The following SPECC1 variants were observed in gnomAD, a reference collection of about 807,000 sequenced individuals.
The protein encoded by SPECC1 is sperm antigen with calponin homology and coiled-coil domains 1.
Under a neutral mutation model 104.1 loss-of-function variants are expected in SPECC1, and 62 were observed. The observed-to-expected ratio is 0.60, with a 90% confidence interval of 0.49 to 0.74. The LOEUF is 0.74. Among genes scored for constraint, SPECC1 ranks in the 30% least tolerant of loss-of-function variants. The probability of loss-of-function intolerance (pLI) is 0.00; values close to 1 mark genes in which losing one functional copy is unlikely to be tolerated. For synonymous variants in SPECC1, 513 were observed against 501.6 expected, an observed-to-expected ratio of 1.02 and a Z score of -0.30; for missense variants, 1,306 against 1,310.5, an observed-to-expected ratio of 1.00 and a Z score of 0.05.
chr17:20,069,186 A>T (rs1253694394), intron 1 of SPECC1, among the ~76,000 whole-genome samples: 1 of 152,230 alleles, frequency 6.6e-6, no homozygotes, highest in Non-Finnish European at 1.5e-5. Context: ...CTCGCTAATA[A>T]GTGAGAACAT....
intron 1 of SPECC1, among the ~76,000 whole-genome samples, chr17:20,033,263 C>T (rs566534718): frequency 1.5e-4 from 23 of 152,084 alleles, no homozygotes; most frequent in African/African-American, 4.6e-4. Context: ...CATGTCCGGC[C>T]TGTATATATA....
At chr17:20,191,080 T>C (rs960198261) in intron 3 of SPECC1, among the ~76,000 whole-genome samples, 5 of 152,334 alleles carry the variant, frequency 3.3e-5, no homozygotes, top group African/African-American at 1.2e-4. Context: ...CATGGCTTAA[T>C]AGTTATTTCA....
At chr17:20,292,463 G>A (rs952419116) in intron 12 of SPECC1, among the ~76,000 whole-genome samples, 8 of 151,904 alleles carry the variant, frequency 5.3e-5, no homozygotes, top group East Asian at 3.9e-4. Flanking sequence ...CCTGAGTAGC[G>A]GGGATTACAG....
intron 13 of SPECC1, chr17:20,305,820 A>G (rs2041743289): frequency 2.2e-6 from 1 of 460,610 alleles, no homozygotes; most frequent in East Asian, 3.3e-5. Flanking sequence ...ATAGGTGTCA[A>G]TCAGTAATGT....
At chr17:20,150,059 G>T (rs554156575) in intron 3 of SPECC1, among the ~76,000 whole-genome samples, 1 of 151,702 alleles carries the variant, frequency 6.6e-6, no homozygotes, top group Non-Finnish European at 1.5e-5. Context: ...TGCAAGCTCC[G>T]CCTCCCGGGT....
intron 1 of SPECC1, among the ~76,000 whole-genome samples, chr17:20,016,266 CTG>C (rs1450377597): frequency 2.0e-5 from 3 of 150,546 alleles, no homozygotes; most frequent in African/African-American, 7.3e-5. Flanking sequence ...CAAAACCAGA[CTG>C]TATTAAAAAG....
chr17:20,128,095 A>G lies in SPECC1; in HGVS notation c.283+17533A>G, dbSNP rs1043137790. Among the ~76,000 whole-genome samples the G allele has an allele frequency of 2.6e-5, 4 of 152,198 alleles. No homozygotes were observed. The South Asian group carries it at 8.3e-4, about 31-fold the overall frequency. On this transcript the variant is annotated intron_variant, in intron 3 of 14. Coordinates refer to ENST00000395527, the MANE Select transcript of SPECC1 (RefSeq NM_001243439.2). Reference sequence around the variant, plus strand: ...ATAATTTCTAATGAAGTGACATATCAGTGTGTAAGTGCTGGAGCCTGACTC... The same window carrying G: ...ATAATTTCTAATGAAGTGACATATCGGTGTGTAAGTGCTGGAGCCTGACTC...
chr17:20,156,736 C>G (rs1368573501), intron 3 of SPECC1, among the ~76,000 whole-genome samples: 2 of 152,216 alleles, frequency 1.3e-5, no homozygotes, highest in Non-Finnish European at 1.5e-5. Context: ...GGGCGCGCCT[C>G]TGGTTATCCC....
intron 1 of SPECC1, among the ~76,000 whole-genome samples, chr17:20,027,951 T>C (rs1293706055): frequency 6.6e-6 from 1 of 152,244 alleles, no homozygotes; most frequent in African/African-American, 2.4e-5. Flanking sequence ...TTACCTTAGT[T>C]GGTCATGCTT....
intron 4 of SPECC1, among the ~76,000 whole-genome samples, chr17:20,226,591 T>C (rs868675439): frequency 1.2e-4 from 18 of 152,192 alleles, no homozygotes; most frequent in African/African-American, 4.3e-4. Context: ...GTAAAAAGAT[T>C]TTGCAAATGT....
At chr17:20,237,889 T>A in intron 7 of SPECC1, 1 of 305,330 alleles carries the variant, frequency 3.3e-6, no homozygotes, top group Non-Finnish European at 5.0e-6. Flanking sequence ...ATTACAGGCA[T>A]GTGCCGTCAC....
At chr17:20,294,208 T>C (rs2041265990) in intron 12 of SPECC1, among the ~76,000 whole-genome samples, 1 of 152,182 alleles carries the variant, frequency 6.6e-6, no homozygotes, top group Non-Finnish European at 1.5e-5. Context: ...TCTCAAACTC[T>C]TGACCTCAGG....
At chr17:20,187,205 G>A (rs185518034) in intron 3 of SPECC1, among the ~76,000 whole-genome samples, 79 of 152,120 alleles carry the variant, frequency 5.2e-4, no homozygotes, top group African/African-American at 1.8e-3. Flanking sequence ...TGCTCAACCC[G>A]TACCAGTATA....
At chr17:20,284,347 G>A (rs2040872545) in intron 12 of SPECC1, among the ~76,000 whole-genome samples, 1 of 152,254 alleles carries the variant, frequency 6.6e-6, no homozygotes, top group Non-Finnish European at 1.5e-5. Context: ...TCAGAAAGGA[G>A]GATGCTGTGA....
intron 1 of SPECC1, among the ~76,000 whole-genome samples, chr17:20,022,309 T>G (rs1448800025): frequency 6.6e-6 from 1 of 152,218 alleles, no homozygotes; most frequent in Non-Finnish European, 1.5e-5. Context: ...TATATATGCT[T>G]GTTATCTTTT....
At chr17:20,064,724 TC>T (rs761235023) in intron 1 of SPECC1, among the ~76,000 whole-genome samples, 80 of 152,302 alleles carry the variant, frequency 5.3e-4, no homozygotes, top group Non-Finnish European at 9.3e-4. Flanking sequence ...ACTTCTTGTT[TC>T]TAGCCATGTA....
chr17:20,132,941 G>T (rs1489563246), intron 3 of SPECC1, among the ~76,000 whole-genome samples: 1 of 151,948 alleles, frequency 6.6e-6, no homozygotes, highest in Non-Finnish European at 1.5e-5. Flanking sequence ...GGGTTTCACT[G>T]TGTTAGGCAG....
At chr17:20,014,195 T>G (rs555253633) in intron 1 of SPECC1, among the ~76,000 whole-genome samples, 149 of 152,334 alleles carry the variant, frequency 9.8e-4, no homozygotes, top group South Asian at 2.1e-3. Context: ...TTCCTGATGA[T>G]AAATGAATTT....
At chr17:20,255,883 CT>C (rs554972995) in intron 10 of SPECC1, among the ~76,000 whole-genome samples, 144 of 141,522 alleles carry the variant, frequency 1.0e-3, no homozygotes, top group Middle Eastern at 7.5e-3. Flanking sequence ...AGAAACCATT[CT>C]TTTTTTTTTT....
Sources: allele counts gnomAD v4.1 joint callset (sites outside exome capture counted in the v4.1 genomes callset), GRCh38; gene constraint gnomAD v4.1.1; transcripts MANE v1.5; gene names NCBI Gene and HGNC (gene_info 2026-07-23, HGNC 2026-07-21).